ETV6: variants seen among roughly 807,000 people sequenced by gnomAD.
The protein encoded by ETV6 is transcription factor ETV6.
In ETV6, 16 loss-of-function variants were observed where a neutral mutation model predicts 51.1. The ratio of observed to expected loss-of-function variants is 0.31; its 90% CI spans 0.21 to 0.48. ETV6 has a LOEUF of 0.48. Among genes scored for constraint, ETV6 ranks in the 20% least tolerant of loss-of-function variants. ETV6 has a pLI of 0.99. For missense variants in ETV6, 458 were observed against 594.8 expected, an observed-to-expected ratio of 0.77 and a Z score of 2.39; for synonymous variants, 240 against 224.1, an observed-to-expected ratio of 1.07 and a Z score of -0.64.
intron 2 of ETV6, among the ~76,000 whole-genome samples, chr12:11,757,081 C>A (rs141846815): frequency 6.6e-6 from 1 of 152,062 alleles, no homozygotes; most frequent in Admixed American, 6.5e-5. Context: ...TATGATGTTG[C>A]AGGTTAATAA....
intron 1 of ETV6, among the ~76,000 whole-genome samples, chr12:11,749,841 A>C (rs1288939509): frequency 2.0e-5 from 3 of 152,200 alleles, no homozygotes; most frequent in Admixed American, 6.5e-5. Flanking sequence ...TGCCATGGCT[A>C]CTAGAAGAGT....
intron 2 of ETV6, among the ~76,000 whole-genome samples, chr12:11,764,114 A>G (rs576968140): frequency 3.3e-5 from 5 of 152,358 alleles, no homozygotes; most frequent in African/African-American, 9.6e-5. Context: ...TTATGGCAGG[A>G]GATAGTTATG....
At chr12:11,884,199 C>T (rs1947151556) in intron 5 of ETV6, among the ~76,000 whole-genome samples, 2 of 152,202 alleles carry the variant, frequency 1.3e-5, no homozygotes, top group Non-Finnish European at 2.9e-5. Context: ...ACTGTATCAT[C>T]ATCTGTGGAG....
chr12:11,835,321 T>C (rs1476790716), intron 2 of ETV6, among the ~76,000 whole-genome samples: 3 of 152,252 alleles, frequency 2.0e-5, no homozygotes, highest in African/African-American at 7.2e-5. Context: ...CAGGGAATAG[T>C]ATAATATAGG....
chr12:11,877,302 C>CT (rs377757573), intron 5 of ETV6, among the ~76,000 whole-genome samples: 16,250 of 141,678 alleles, frequency 0.11, 880 homozygotes, highest in East Asian at 0.12. Flanking sequence ...AGCCTATAGA[C>CT]TTTTTTTTTT....
At position 11,884,339 on chromosome 12, in the gene ETV6, A is replaced by C. The variant is rs149786786; in HGVS notation, c.1010-106A>C. 175 of 1,282,892 alleles carry C rather than the reference A, an allele frequency of 1.4e-4. No homozygotes were observed. In the African/African-American group the frequency reaches 2.2e-3, roughly 16 times the overall value. 79.5% of individuals were successfully genotyped at this position (1,282,892 alleles called of 1,614,324 possible). ...AGGAAGTTAGTTAGACAATCAGTCA[A>C]CCCAAGCTAGGCAGAAGCAGTTGCT... On this transcript the variant is annotated intron_variant, in intron 5 of 7. Transcript: ENST00000396373.
At chr12:11,821,160 A>G (rs920375250) in intron 2 of ETV6, among the ~76,000 whole-genome samples, 4 of 151,560 alleles carry the variant, frequency 2.6e-5, no homozygotes, top group Non-Finnish European at 4.4e-5. Context: ...CAGGAGATCC[A>G]GACCATCCTG....
chr12:11,683,277 C>A (rs1011677437), intron 1 of ETV6, among the ~76,000 whole-genome samples: 1 of 152,198 alleles, frequency 6.6e-6, no homozygotes, highest in Non-Finnish European at 1.5e-5. Context: ...CCCCTGACCT[C>A]AAGTGATCCG....
At chr12:11,774,565 G>A (rs946164369) in intron 2 of ETV6, among the ~76,000 whole-genome samples, 25 of 152,156 alleles carry the variant, frequency 1.6e-4, no homozygotes, top group African/African-American at 2.9e-4. Context: ...GTTGGCTCCC[G>A]AAGCACCTTT....
intron 2 of ETV6, among the ~76,000 whole-genome samples, chr12:11,788,918 A>G (rs906058586): frequency 2.0e-5 from 3 of 152,162 alleles, no homozygotes; most frequent in African/African-American, 7.2e-5. Flanking sequence ...TTAAGATTAT[A>G]TAAGTGCCAT....
chr12:11,845,935 T>A (rs1280921013), intron 3 of ETV6, among the ~76,000 whole-genome samples: 4 of 149,688 alleles, frequency 2.7e-5, no homozygotes, highest in Admixed American at 1.3e-4. Flanking sequence ...GAGGTTGCAG[T>A]GAGCCGAGAT....
In ETV6 at chr12:11,883,607, T is replaced by C. The variant is rs1280229640; in HGVS notation, c.1010-838T>C. ...ACCACGCCCGGCCATGTCTTCTCTT[T>C]TAATTTACTAGCCCACAGCCAAAAA... On this transcript the variant is annotated intron_variant, in intron 5 of 7. Transcript: ENST00000396373. Among the ~76,000 whole-genome samples, 3 of 152,110 alleles carry C rather than the reference T, an allele frequency of 2.0e-5. No individual in the cohort carries two copies. In the East Asian group the frequency reaches 5.8e-4, roughly 29 times the overall value.
At chr12:11,699,512 T>TA (rs1405494083) in intron 1 of ETV6, among the ~76,000 whole-genome samples, 1 of 151,746 alleles carries the variant, frequency 6.6e-6, no homozygotes, top group Non-Finnish European at 1.5e-5. Context: ...AATTTTAGAG[T>TA]AAAAAAATGC....
chr12:11,752,187 G>C (rs2121065963), intron 1 of ETV6, among the ~76,000 whole-genome samples: 1 of 151,934 alleles, frequency 6.6e-6, no homozygotes, highest in African/African-American at 2.4e-5. Flanking sequence ...CAAACCACAG[G>C]GTGTACACCT....
intron 1 of ETV6, among the ~76,000 whole-genome samples, chr12:11,650,504 A>AAAAAAAAAAAAAAAAAAAAAAAAAAAC (rs1555109540): frequency 1.1e-5 from 1 of 94,232 alleles, no homozygotes; most frequent in Non-Finnish European, 2.0e-5. Flanking sequence ...AACAAAAAAC[A>AAAAAAAAAAAAAAAAAAAAAAAAAAAC]AAAAAAAAAA....
chr12:11,802,903 A>G (rs1184660700), intron 2 of ETV6, among the ~76,000 whole-genome samples: 1 of 152,190 alleles, frequency 6.6e-6, no homozygotes, highest in Non-Finnish European at 1.5e-5. Context: ...CTATAAGCCC[A>G]TTATTGTAAG....
intron 1 of ETV6, among the ~76,000 whole-genome samples, chr12:11,690,811 T>G (rs934440662): frequency 9.9e-5 from 15 of 151,558 alleles, no homozygotes; most frequent in Non-Finnish European, 7.4e-5. Flanking sequence ...CGCTTGAACC[T>G]GGGAGGCAGA....
chr12:11,700,802 T>G (rs1864965519), intron 1 of ETV6, among the ~76,000 whole-genome samples: 1 of 152,126 alleles, frequency 6.6e-6, no homozygotes, highest in Non-Finnish European at 1.5e-5. Flanking sequence ...AGGTGGAAGA[T>G]GCGGAGGAGG....
chr12:11,672,532 T>C (rs1864339067), intron 1 of ETV6, among the ~76,000 whole-genome samples: 1 of 152,188 alleles, frequency 6.6e-6, no homozygotes, highest in South Asian at 2.1e-4. Flanking sequence ...GAACTCGGGC[T>C]CAGATGGCTG....
Sources: allele counts gnomAD v4.1 joint callset (sites outside exome capture counted in the v4.1 genomes callset), GRCh38; gene constraint gnomAD v4.1.1; transcripts MANE v1.5; gene names NCBI Gene and HGNC (gene_info 2026-07-23, HGNC 2026-07-21).